C8orf34: variants seen among roughly 807,000 people sequenced by gnomAD.
The protein encoded by C8orf34 is chromosome 8 open reading frame 34.
In C8orf34, 65 loss-of-function variants were observed where a neutral mutation model predicts 68.3. The ratio of observed to expected loss-of-function variants is 0.95; its 90% confidence interval spans 0.78 to 1.17. The LOEUF is 1.17. C8orf34 is among the 50% of genes most tolerant of loss of function. C8orf34 has a pLI of 0.00. For missense variants in C8orf34, 664 were observed against 655.4 expected (o/e 1.01, Z -0.14); for synonymous variants, 244 against 241.2 (o/e 1.01, Z -0.11).
Position 68,790,757 on chromosome 8 carries a change from A to T in C8orf34, c.1549+3221A>T, listed in dbSNP as rs1317821226. 2.3e-5 allele frequency: 14 copies of T among 603,898 alleles called. No individual in the cohort carries two copies. In the South Asian group the frequency reaches 2.7e-4, roughly 11 times the overall value. 37.4% of individuals were successfully genotyped at this position (603,898 alleles called of 1,614,324 possible). On this transcript the variant is annotated intron_variant, in intron 12 of 13. Transcript: ENST00000518698. ...AAGTCACTAAACAAATCAAATTCCA[A>T]ATATTTGAATCTACTGGGGTACTTG...
chr8:68,536,215 T>C (rs1192471248), intron 7 of C8orf34, among the ~76,000 whole-genome samples: 3 of 151,604 alleles, frequency 2.0e-5, no homozygotes, highest in African/African-American at 7.3e-5. Flanking sequence ...ACCTCGTCTC[T>C]ACAAAAAATA....
At chr8:68,522,164 T>C (rs530328683) in intron 6 of C8orf34, among the ~76,000 whole-genome samples, 193 bp downstream of exon 6, 2 of 152,338 alleles carry the variant, frequency 1.3e-5, no homozygotes, top group Admixed American at 1.3e-4. Context: ...TTTGGAGTTT[T>C]GGTGTTGATT....
At chr8:68,564,853 A>G (rs1199887372) in intron 7 of C8orf34, among the ~76,000 whole-genome samples, 5 of 152,180 alleles carry the variant, frequency 3.3e-5, no homozygotes, top group Non-Finnish European at 7.3e-5. Context: ...GTTAAATTTT[A>G]GTAGGAACAT....
chr8:68,353,133 G>GC (rs1210055138), intron 1 of C8orf34, among the ~76,000 whole-genome samples: 1 of 152,050 alleles, frequency 6.6e-6, no homozygotes, highest in African/African-American at 2.4e-5. Flanking sequence ...TGGGTCATGA[G>GC]CCTGGGAGTT....
chr8:68,559,356 A>G (rs1019710420), intron 7 of C8orf34, among the ~76,000 whole-genome samples: 2 of 152,196 alleles, frequency 1.3e-5, no homozygotes, highest in Admixed American at 6.5e-5. Context: ...ACGACTTTAT[A>G]TTAGTATAGT....
chr8:68,566,914 T>C (rs1276952240), intron 7 of C8orf34, among the ~76,000 whole-genome samples: 1 of 152,198 alleles, frequency 6.6e-6, no homozygotes, highest in African/African-American at 2.4e-5. Context: ...TTAATTCTGT[T>C]TATGTGGTGT....
At chr8:68,518,420 T>A (rs968472071) in intron 5 of C8orf34, among the ~76,000 whole-genome samples, 6 of 152,122 alleles carry the variant, frequency 3.9e-5, no homozygotes, top group Non-Finnish European at 5.9e-5. Flanking sequence ...AGAATAGCAA[T>A]GAAAAACCTT....
chr8:68,339,111 A>C (rs1293510935), intron 1 of C8orf34, among the ~76,000 whole-genome samples: 4 of 151,914 alleles, frequency 2.6e-5, no homozygotes, highest in Admixed American at 2.0e-4. Flanking sequence ...TTTTCATATA[A>C]ATTTTAGGAT....
intron 5 of C8orf34, among the ~76,000 whole-genome samples, chr8:68,512,934 G>A (rs1270501346): frequency 6.6e-6 from 1 of 152,108 alleles, no homozygotes; most frequent in African/African-American, 2.4e-5. Flanking sequence ...TGCTTTAACT[G>A]TGTGCTAAGT....
chr8:68,385,721 A>G (rs1000211242), intron 1 of C8orf34, among the ~76,000 whole-genome samples: 1 of 152,082 alleles, frequency 6.6e-6, no homozygotes, highest in African/African-American at 2.4e-5. Context: ...TAAGATGGAG[A>G]AATGTGGAAT....
intron 1 of C8orf34, among the ~76,000 whole-genome samples, chr8:68,364,935 C>CA (rs1361664796): frequency 3.3e-5 from 5 of 151,442 alleles, no homozygotes; most frequent in South Asian, 2.1e-4. Flanking sequence ...AAAAACCCTT[C>CA]AAAAAATCAA....
intron 12 of C8orf34, among the ~76,000 whole-genome samples, chr8:68,806,536 A>C (rs935038031): frequency 6.6e-6 from 1 of 152,050 alleles, no homozygotes; most frequent in Admixed American, 6.6e-5. Flanking sequence ...ATTACTACTA[A>C]TAATATTTTT....
chr8:68,746,949 C>T (rs1357801174), intron 10 of C8orf34, among the ~76,000 whole-genome samples: 33 of 151,386 alleles, frequency 2.2e-4, no homozygotes, highest in African/African-American at 7.7e-4. Context: ...AATTTTAGAC[C>T]AATATCCTTG....
chr8:68,773,241 T>A (rs1432694501), intron 10 of C8orf34, among the ~76,000 whole-genome samples: 1 of 152,122 alleles, frequency 6.6e-6, no homozygotes, highest in Non-Finnish European at 1.5e-5. Context: ...ATGTATTGGA[T>A]CAAGCCTCTT....
At chr8:68,708,775 G>T (rs1176201993) in intron 8 of C8orf34, among the ~76,000 whole-genome samples, 1 of 152,096 alleles carries the variant, frequency 6.6e-6, no homozygotes. Flanking sequence ...GATAAATCCT[G>T]GTATGTATGT....
At chr8:68,552,192 C>T (rs1302219847) in intron 7 of C8orf34, among the ~76,000 whole-genome samples, 1 of 152,076 alleles carries the variant, frequency 6.6e-6, no homozygotes, top group East Asian at 1.9e-4. Flanking sequence ...AAATTTATTT[C>T]CCTTGCATTT....
chr8:68,613,978 C>G (rs1818110396), intron 7 of C8orf34, among the ~76,000 whole-genome samples: 1 of 152,186 alleles, frequency 6.6e-6, no homozygotes, highest in Non-Finnish European at 1.5e-5. Flanking sequence ...TAATGATTGG[C>G]ATTCTAACTG....
chr8:68,487,804 T>A (rs1049230453), intron 4 of C8orf34, among the ~76,000 whole-genome samples: 2 of 152,240 alleles, frequency 1.3e-5, no homozygotes, highest in African/African-American at 2.4e-5. Context: ...TTGCATCATT[T>A]GCATTGCTTC....
Position 68,373,001 on chromosome 8 carries a change from T to C in C8orf34, c.327+41662T>C, listed in dbSNP as rs116920790. ...CTTTTTACTTTTTTGTTTTTGTTTC[T>C]GTTTTGTTTTTGAGACAGAGTTTTG... On this transcript the variant is annotated intron_variant, in intron 1 of 13. Transcript: ENST00000518698. Among the ~76,000 whole-genome samples the C allele has an allele frequency of 8.0e-3, 1,222 of 152,330 alleles. 39 individuals are homozygous for C. The East Asian group carries it at 0.1, about 13-fold the overall frequency.
Sources: gnomAD v4.1 joint callset for allele counts (sites outside exome capture counted in the v4.1 genomes callset) on GRCh38, gnomAD v4.1.1 for gene constraint, MANE v1.5 for transcripts, NCBI Gene and HGNC (gene_info 2026-07-23, HGNC 2026-07-21) for gene names.